PROM1: variants seen among roughly 807,000 people sequenced by gnomAD.
The protein encoded by PROM1 is prominin 1.
Under a neutral mutation model 116.9 loss-of-function variants are expected in PROM1, and 105 were observed. The ratio of observed to expected loss-of-function variants is 0.90; its 90% CI spans 0.77 to 1.06. PROM1 has a LOEUF of 1.06. Ranked by LOEUF, PROM1 falls within the 50% of genes least tolerant of loss-of-function variation. PROM1 has a pLI of 0.00. For synonymous variants in PROM1, 393 were observed against 387.0 expected, an observed-to-expected ratio of 1.02 and a Z score of -0.18; for missense variants, 1,122 against 1,045.2, an observed-to-expected ratio of 1.07 and a Z score of -1.01.
intron 13 of PROM1, among the ~76,000 whole-genome samples, chr4:16,001,737 G>A (rs1424393959): frequency 2.0e-5 from 3 of 152,134 alleles, no homozygotes; most frequent in Non-Finnish European, 4.4e-5. Flanking sequence ...AGGAGAGGAG[G>A]GCACAGGCAG....
intron 8 of PROM1, among the ~76,000 whole-genome samples, chr4:16,022,617 A>G (rs959542603): frequency 5.3e-5 from 8 of 152,220 alleles, no homozygotes; most frequent in African/African-American, 1.9e-4. Context: ...TGAAAGTAAA[A>G]TTCATATTGG....
chr4:15,977,095 T>A (rs1476541341), intron 26 of PROM1, among the ~76,000 whole-genome samples: 1 of 152,196 alleles, frequency 6.6e-6, no homozygotes, highest in East Asian at 1.9e-4. Context: ...CTCCCCCTTT[T>A]TTTCACAACC....
intron 2 of PROM1, among the ~76,000 whole-genome samples, chr4:16,067,225 C>G (rs543299729): frequency 6.6e-6 from 1 of 152,198 alleles, no homozygotes; most frequent in Non-Finnish European, 1.5e-5. Context: ...GGTCCCAGGT[C>G]TAACCTTGGC....
intron 2 of PROM1, among the ~76,000 whole-genome samples, chr4:16,054,290 C>T (rs751015686): frequency 2.0e-5 from 3 of 152,148 alleles, no homozygotes; most frequent in South Asian, 2.1e-4. Flanking sequence ...ACCCCTTTTA[C>T]GCGGCCTCCA....
Position 15,980,556 on chromosome 4 carries a change from A to C in PROM1, c.2374-19T>G. On this transcript the variant is annotated intron_variant, in intron 23 of 27. Transcript: ENST00000447510. ...ACAAATTCTAGGAAAAAAAAATCAG[A>C]AGAATTAAATGTTTGAAGATAAGAA... 7.0e-7 allele frequency: 1 copy of C among 1,437,852 alleles called. No individual in the cohort carries two copies. The highest frequency in any genetic ancestry group is 9.5e-7 in the Non-Finnish European group (1 of 1,048,702). 89.1% of individuals were successfully genotyped at this position (1,437,852 alleles called of 1,614,324 possible).
chr4:16,068,059 G>C (rs1248371953), intron 2 of PROM1, among the ~76,000 whole-genome samples: 2 of 152,300 alleles, frequency 1.3e-5, no homozygotes, highest in African/African-American at 2.4e-5. Context: ...GGAGAGGGTA[G>C]GGGAGGAGGC....
At chr4:16,054,969 T>C (rs1384814901) in intron 2 of PROM1, among the ~76,000 whole-genome samples, 1 of 152,230 alleles carries the variant, frequency 6.6e-6, no homozygotes, top group East Asian at 1.9e-4. Context: ...AATGATCCAC[T>C]GGCTTACATG....
chr4:15,980,474 C>T lies in PROM1; in HGVS notation c.2437G>A (p.Val813Ile). 1 of 1,557,144 alleles carries T rather than the reference C, an allele frequency of 6.4e-7. No homozygotes were observed. The highest frequency in any genetic ancestry group is 2.4e-5 in the East Asian group (1 of 41,792). Residue 813 changes from valine to isoleucine, a missense_variant, in exon 24 of 28, where the codon GTA becomes ATA. Transcript: ENST00000447510. ...CGACGATAGTACTTAGCCAGTTTTA[C>T]CGCAAAAATTAGAGCCGGAAGTAAA... ...VFLLPALIFA[V>I]KLAKYYRRMD...
chr4:16,049,186 T>C (rs531184230), intron 2 of PROM1, among the ~76,000 whole-genome samples: 1 of 152,344 alleles, frequency 6.6e-6, no homozygotes, highest in East Asian at 1.9e-4. Flanking sequence ...CATAATTCCA[T>C]TTACAGCCTT....
Position 16,008,992 on chromosome 4 carries a change from T to A in PROM1, c.1258A>T (p.Ile420Phe). 1.3e-6 allele frequency: 2 copies of A among 1,595,844 alleles called. No individual in the cohort carries two copies. Among genetic ancestry groups the A allele is most frequent in the Non-Finnish European group, 1.7e-6 (2 of 1,164,234 alleles). Residue 420 changes from isoleucine to phenylalanine, a missense_variant, in exon 12 of 28, where the codon ATC (isoleucine) becomes TTC (phenylalanine). Physicochemically the swap from Ile to Phe is conservative, Grantham distance 21. Transcript: ENST00000447510. ...SVYVNNTESYIHRNLPTLEEY... is the reference protein window; with the variant it reads ...SVYVNNTESYFHRNLPTLEEY... Reference sequence around the variant, plus strand: ...TCCAATGTAGGTAAATTTCTGTGGATGTAACTTTCAGTGTTATTAACATAA... The same window carrying A: ...TCCAATGTAGGTAAATTTCTGTGGAAGTAACTTTCAGTGTTATTAACATAA...
chr4:16,064,486 G>A (rs753409306), intron 2 of PROM1, among the ~76,000 whole-genome samples: 10 of 152,174 alleles, frequency 6.6e-5, no homozygotes, highest in East Asian at 1.9e-4. Context: ...CAGTTCCTCC[G>A]TGGGATGGTT....
At chr4:16,067,866 G>T (rs550503448) in intron 2 of PROM1, among the ~76,000 whole-genome samples, 1 of 152,156 alleles carries the variant, frequency 6.6e-6, no homozygotes, top group African/African-American at 2.4e-5. Context: ...CCCCGGCCAC[G>T]TGACTCAATG....
At chr4:16,000,758 G>T in intron 13 of PROM1, 139 bp from the exon 14 acceptor site, 1 of 711,554 alleles carries the variant, frequency 1.4e-6, no homozygotes, top group Non-Finnish European at 2.0e-6. Context: ...CATCCACCTA[G>T]GAGTGACACA....
chr4:15,998,266 G>T, intron 15 of PROM1, 119 bp downstream of exon 15: 1 of 1,380,740 alleles, frequency 7.2e-7, no homozygotes, highest in East Asian at 2.8e-5. Context: ...ATACAGGACA[G>T]CTTATCTCTG....
chr4:16,061,790 T>A (rs1740366688), intron 2 of PROM1, among the ~76,000 whole-genome samples: 2 of 152,102 alleles, frequency 1.3e-5, no homozygotes, highest in Non-Finnish European at 2.9e-5. Context: ...TAAAGAAGGA[T>A]CTGTTAGAGA....
At chr4:16,063,316 G>A (rs960852766) in intron 2 of PROM1, among the ~76,000 whole-genome samples, 8 of 152,222 alleles carry the variant, frequency 5.3e-5, no homozygotes, top group Non-Finnish European at 7.3e-5. Flanking sequence ...GATGTAAGGA[G>A]GCTGGGCGCA....
chr4:16,031,601 GAGAC>G (rs1439262886), intron 5 of PROM1, among the ~76,000 whole-genome samples: 1 of 152,048 alleles, frequency 6.6e-6, no homozygotes. Context: ...CACAGAGAAA[GAGAC>G]AGACAGTGAC....
chr4:16,045,859 G>A (rs1023448300), intron 2 of PROM1, among the ~76,000 whole-genome samples: 8 of 152,086 alleles, frequency 5.3e-5, no homozygotes, highest in African/African-American at 7.2e-5. Context: ...CACTCTTCCC[G>A]CCTGCTTCTC....
At chr4:15,983,113 T>C (rs1718384147) in intron 23 of PROM1, among the ~76,000 whole-genome samples, 1 of 152,060 alleles carries the variant, frequency 6.6e-6, no homozygotes, top group Non-Finnish European at 1.5e-5. Flanking sequence ...AACATATAAA[T>C]ATGTAATTGA....
Sources: gnomAD v4.1 joint callset for allele counts (sites outside exome capture counted in the v4.1 genomes callset) on GRCh38, gnomAD v4.1.1 for gene constraint, MANE v1.5 for transcripts, NCBI Gene and HGNC (gene_info 2026-07-23, HGNC 2026-07-21) for gene names.